The following CDH4 variants were observed in gnomAD, a reference collection of about 807,000 sequenced individuals.
CDH4 encodes cadherin-4.
In CDH4, 33 loss-of-function variants were observed where a neutral mutation model predicts 86.0. The observed-to-expected ratio is 0.38, with a 90% CI of 0.29 to 0.51. The LOEUF (loss-of-function observed/expected upper bound fraction) is 0.51, where lower values mean the gene tolerates loss of function less well. Among genes scored for constraint, CDH4 ranks in the 20% least tolerant of loss-of-function variants. CDH4 has a pLI of 0.86. For synonymous variants in CDH4, 555 were observed against 549.4 expected (o/e 1.01, Z -0.14); for missense variants, 1,114 against 1,307.4 (o/e 0.85, Z 2.28).
chr20:61,499,950 C>A (rs6121649), intron 2 of CDH4, among the ~76,000 whole-genome samples: 1 of 152,182 alleles, frequency 6.6e-6, no homozygotes, highest in African/African-American at 2.4e-5. Flanking sequence ...ATGCAAAGCA[C>A]CCAGGAGGCA....
At chr20:61,275,214 A>AG (rs2084221710) in intron 2 of CDH4, among the ~76,000 whole-genome samples, 1 of 31,802 alleles carries the variant, frequency 3.1e-5, no homozygotes. Context: ...ACTGTATGCA[A>AG]TTTGGGGGAG....
intron 2 of CDH4, among the ~76,000 whole-genome samples, chr20:61,483,942 A>G (rs1600706182): frequency 6.6e-6 from 1 of 152,100 alleles, no homozygotes; most frequent in Non-Finnish European, 1.5e-5. Context: ...CTCCTGTCCC[A>G]TCTTTCTGAT....
At chr20:61,861,688 C>T (rs1413819144) in intron 6 of CDH4, among the ~76,000 whole-genome samples, 3 of 152,118 alleles carry the variant, frequency 2.0e-5, no homozygotes, top group Non-Finnish European at 2.9e-5. Flanking sequence ...GTGGTCACCC[C>T]GCTTCTCAGT....
chr20:61,468,402 T>G (rs1042425509), intron 2 of CDH4, among the ~76,000 whole-genome samples: 21 of 152,234 alleles, frequency 1.4e-4, no homozygotes, highest in African/African-American at 5.1e-4. Context: ...TTTTAACATT[T>G]TTTTATTTTT....
chr20:61,921,258 T>C (rs1031191846), intron 9 of CDH4, among the ~76,000 whole-genome samples: 26 of 151,862 alleles, frequency 1.7e-4, no homozygotes, highest in South Asian at 6.2e-4. Flanking sequence ...TCACGGTGAT[T>C]GCGTGGAAGC....
chr20:61,698,885 C>T (rs996081751), intron 2 of CDH4, among the ~76,000 whole-genome samples: 12 of 152,218 alleles, frequency 7.9e-5, no homozygotes, highest in Non-Finnish European at 1.3e-4. Context: ...GCTGAGAGTT[C>T]GGAGTGTGTT....
rs1213788105 is a variant in CDH4 at position 61,890,206 on chromosome 20, G to A, written c.1051-4704G>A. ...TGGATGGATAGATGATGGATGGATA[G>A]ATGGATGTTGGATGGGTGAGTGGAT... is the stretch of plus-strand genomic sequence containing the variant. On this transcript the variant is annotated intron_variant, in intron 7 of 15. Transcript: ENST00000614565. Among the ~76,000 whole-genome samples the A allele has an allele frequency of 9.7e-4, 147 of 151,022 alleles. 9 individuals carry two copies. The highest frequency in any genetic ancestry group is 7.4e-5 in the Non-Finnish European group (5 of 67,676).
At chr20:61,341,845 G>T (rs914886287) in intron 2 of CDH4, among the ~76,000 whole-genome samples, 1 of 152,194 alleles carries the variant, frequency 6.6e-6, no homozygotes, top group African/African-American at 2.4e-5. Flanking sequence ...AAGTGGGCGG[G>T]ACTTGGAGAC....
rs1380426367 is a variant in CDH4, at chr20:61,518,487, T to C, written c.170-225076T>C. Reference sequence around the variant, plus strand: ...CATCGTCCATCCATCCATCCTTCCATCATTGATTCATCATCCATCCATCCG... The same window carrying C: ...CATCGTCCATCCATCCATCCTTCCACCATTGATTCATCATCCATCCATCCG... On this transcript the variant is annotated intron_variant, in intron 2 of 15. Transcript: ENST00000614565. This position sits in a 1 kb window ranked among gnomAD's most constrained non-coding sequence, Gnocchi z 6.3. Among the ~76,000 whole-genome samples, 1 of 151,776 alleles carries C rather than the reference T, an allele frequency of 6.6e-6. No homozygotes were observed. The highest frequency in any genetic ancestry group is 6.6e-5 in the Admixed American group (1 of 15,234).
At chr20:61,855,813 C>T (rs529656100) in intron 6 of CDH4, among the ~76,000 whole-genome samples, 4 of 152,344 alleles carry the variant, frequency 2.6e-5, no homozygotes, top group South Asian at 2.1e-4. Flanking sequence ...GCCGGGACCC[C>T]GGAGTCAGCC....
chr20:61,285,885 G>T (rs1285560642), intron 2 of CDH4, among the ~76,000 whole-genome samples: 4 of 152,234 alleles, frequency 2.6e-5, no homozygotes, highest in Non-Finnish European at 5.9e-5. Context: ...GGGGATGGCC[G>T]TGGGCACCCA....
chr20:61,564,736 C>T (rs2086250757), intron 2 of CDH4, among the ~76,000 whole-genome samples: 1 of 152,152 alleles, frequency 6.6e-6, no homozygotes, highest in African/African-American at 2.4e-5. Context: ...GATAACCCCA[C>T]CCTGCAATTC....
intron 2 of CDH4, among the ~76,000 whole-genome samples, chr20:61,273,170 G>A (rs112935839): frequency 1.6e-4 from 18 of 113,812 alleles, no homozygotes; most frequent in South Asian, 3.2e-4. Context: ...AGTATTGGGG[G>A]AGTACCATGT....
intron 2 of CDH4, among the ~76,000 whole-genome samples, chr20:61,413,116 A>G (rs2085128218): frequency 6.6e-6 from 1 of 151,774 alleles, no homozygotes; most frequent in African/African-American, 2.4e-5. Context: ...ATCATCCTTC[A>G]TGGCACCCAA....
chr20:61,540,739 A>G (rs1455071721), intron 2 of CDH4, among the ~76,000 whole-genome samples: 1 of 152,128 alleles, frequency 6.6e-6, no homozygotes, highest in African/African-American at 2.4e-5. Flanking sequence ...TCCAAGCAGT[A>G]AGACTGGATG....
intron 1 of CDH4, among the ~76,000 whole-genome samples, chr20:61,254,187 C>T (rs779685996): frequency 3.9e-5 from 6 of 152,146 alleles, no homozygotes; most frequent in Non-Finnish European, 5.9e-5. Flanking sequence ...GAGATGGGGG[C>T]TCCGAGGGTG....
At chr20:61,571,323 A>T (rs1005208699) in intron 2 of CDH4, among the ~76,000 whole-genome samples, 1 of 152,036 alleles carries the variant, frequency 6.6e-6, no homozygotes, top group South Asian at 2.1e-4. Context: ...TGCGTGGCTG[A>T]TGTTGGTGCA....
At chr20:61,319,626 G>C (rs2084497021) in intron 2 of CDH4, among the ~76,000 whole-genome samples, 1 of 152,064 alleles carries the variant, frequency 6.6e-6, no homozygotes, top group Non-Finnish European at 1.5e-5. Context: ...ACTATTCAAG[G>C]GATATAAAGT....
chr20:61,678,287 ATGGATGGATGGG>A (rs1460998210), intron 2 of CDH4, among the ~76,000 whole-genome samples: 1 of 152,028 alleles, frequency 6.6e-6, no homozygotes, highest in African/African-American at 2.4e-5. Context: ...TAGATACATG[ATGGATGGATGGG>A]TGGATGGATG....
Sources: allele counts gnomAD v4.1 joint callset (sites outside exome capture counted in the v4.1 genomes callset), GRCh38; gene constraint gnomAD v4.1.1; non-coding constraint Gnocchi (gnomAD v3.1); transcripts MANE v1.5; gene names NCBI Gene and HGNC (gene_info 2026-07-23, HGNC 2026-07-21).